The following ANOS1 variants were observed in gnomAD, a reference collection of about 807,000 sequenced individuals.
ANOS1 encodes the protein anosmin-1.
Under a neutral mutation model 59.0 loss-of-function variants are expected in ANOS1, and 6 were observed. The observed-to-expected ratio is 0.10, with a 90% confidence interval of 0.06 to 0.20. The LOEUF (loss-of-function observed/expected upper bound fraction) is 0.20. Among genes scored for constraint, ANOS1 ranks in the 10% least tolerant of loss-of-function variants. The pLI, the probability that ANOS1 is intolerant of heterozygous loss-of-function variation, is 1.00. For synonymous variants in ANOS1, 217 were observed against 223.4 expected, an observed-to-expected ratio of 0.97 and a Z score of 0.25; for missense variants, 433 against 542.3, an observed-to-expected ratio of 0.80 and a Z score of 2.00.
At chrX:8,566,779 G>C (rs1930121671) in intron 8 of ANOS1, among the ~76,000 whole-genome samples, 1 of 111,120 alleles carries the variant, frequency 9.0e-6, no homozygotes, top group Non-Finnish European at 1.9e-5. Context: ...TCTGTTTCTG[G>C]ACCATTTTTT....
chrX:8,709,260 G>T (rs1932797213), intron 1 of ANOS1, among the ~76,000 whole-genome samples: 1 of 105,483 alleles, frequency 9.5e-6, no homozygotes, highest in African/African-American at 3.5e-5. Flanking sequence ...AGAACTTAAA[G>T]TGTAATTAAA....
chrX:8,701,022 A>C lies in ANOS1; in HGVS notation c.208-1277T>G, dbSNP rs12844143. Among the ~76,000 whole-genome samples the C allele has an allele frequency of 8.9e-5, 10 of 111,915 alleles. No homozygotes were observed. The Admixed American group carries it at 9.5e-4, about 11-fold the overall frequency. On this transcript the variant is annotated intron_variant, in intron 1 of 13. Transcript: ENST00000262648. Reference sequence around the variant, plus strand: ...AAAACTCCATCTCAAAAAAATAAATAAATAAATAAAATTGTACTATGATTT... The same window carrying C: ...AAAACTCCATCTCAAAAAAATAAATCAATAAATAAAATTGTACTATGATTT...
chrX:8,638,411 A>T (rs1042197482), intron 2 of ANOS1, among the ~76,000 whole-genome samples: 6 of 112,339 alleles, frequency 5.3e-5, no homozygotes, highest in African/African-American at 1.9e-4. Context: ...ATTGATTCAC[A>T]TCTATGCATT....
chrX:8,633,844 G>A (rs1267950659), intron 2 of ANOS1, among the ~76,000 whole-genome samples: 1 of 111,737 alleles, frequency 8.9e-6, no homozygotes, highest in East Asian at 2.8e-4. Context: ...AAATATCAAT[G>A]TCCTGAAAGA....
chrX:8,552,371 G>A (rs150238607), intron 9 of ANOS1, among the ~76,000 whole-genome samples: 22 of 112,236 alleles, frequency 2.0e-4, no homozygotes, highest in African/African-American at 5.2e-4. Context: ...ACATGTGTTC[G>A]TGGGGCATTC....
intron 6 of ANOS1, among the ~76,000 whole-genome samples, chrX:8,582,912 C>A (rs1462415683): frequency 9.0e-6 from 1 of 111,722 alleles, no homozygotes; most frequent in Non-Finnish European, 1.9e-5. Flanking sequence ...TGAGGATTTG[C>A]GGTGGCTTGC....
intron 5 of ANOS1, 108 bp from the exon 6 acceptor site, chrX:8,585,504 T>A: frequency 1.1e-6 from 1 of 905,933 alleles, no homozygotes; most frequent in Non-Finnish European, 1.6e-6. Context: ...TGCAACTCAG[T>A]CTGTCTTCCC....
At chrX:8,591,566 C>G (rs1930619505) in intron 4 of ANOS1, among the ~76,000 whole-genome samples, 1 of 112,129 alleles carries the variant, frequency 8.9e-6, no homozygotes, top group African/African-American at 3.2e-5. Flanking sequence ...TAATGAGCAT[C>G]AGGGCGATGT....
intron 3 of ANOS1, among the ~76,000 whole-genome samples, chrX:8,599,473 G>A (rs1930802457): frequency 9.0e-6 from 1 of 111,282 alleles, no homozygotes; most frequent in Non-Finnish European, 1.9e-5. Context: ...GACGATACCT[G>A]GGAACACTCG....
intron 9 of ANOS1, among the ~76,000 whole-genome samples, chrX:8,540,036 A>G (rs1237906040): frequency 9.2e-6 from 1 of 109,247 alleles, no homozygotes; most frequent in African/African-American, 3.3e-5. Context: ...AGTAGAAAAA[A>G]AAATTAGTAA....
intron 3 of ANOS1, among the ~76,000 whole-genome samples, chrX:8,604,132 C>T (rs1166046760): frequency 8.9e-6 from 1 of 111,825 alleles, no homozygotes; most frequent in Non-Finnish European, 1.9e-5. Context: ...TCACAAAACA[C>T]GTAAGAGTCT....
At chrX:8,577,532 C>T (rs918222176) in intron 6 of ANOS1, among the ~76,000 whole-genome samples, 6 of 112,491 alleles carry the variant, frequency 5.3e-5, no homozygotes, top group Non-Finnish European at 7.5e-5. Context: ...GCTCCTTCTA[C>T]GCTATACAAT....
At chrX:8,681,938 G>T (rs756343316) in intron 2 of ANOS1, among the ~76,000 whole-genome samples, 41 of 111,494 alleles carry the variant, frequency 3.7e-4, no homozygotes, top group Non-Finnish European at 6.4e-4. Flanking sequence ...CCTAATGTAA[G>T]ATAAGGAAGT....
rs1448386333 is a variant in ANOS1, at chrX:8,732,015, C to T, written c.22G>A (p.Ala8Thr). The change falls in exon 1 of 14, where the codon GCG becomes ACG. Residue 8 changes from alanine to threonine, a missense_variant. By Grantham distance (58) the Ala-to-Thr change is moderately conservative (BLOSUM62 0). Coordinates refer to ENST00000262648, the MANE Select transcript of ANOS1 (RefSeq NM_000216.4). ...AGCCAGAGGCAGAGGGTCAGGACCG[C>T]GCCGGGCACCCCGGGCACCATGGCT... MVPGVPGAVLTLCLWLAA... is the reference protein window; with the variant it reads MVPGVPGTVLTLCLWLAA... 2.0e-6 allele frequency: 2 copies of T among 1,021,726 alleles called. No individual in the cohort carries two copies. Among genetic ancestry groups the T allele is most frequent in the African/African-American group, 4.0e-5 (2 of 49,718 alleles). 84.2% of individuals were successfully genotyped at this position (1,021,726 alleles called of 1,213,427 possible). A position where few individuals can be genotyped will look rare whatever the true frequency, so the allele number is the denominator to read the frequency against.
chrX:8,647,660 A>G (rs1307653533), intron 2 of ANOS1, among the ~76,000 whole-genome samples: 1 of 112,187 alleles, frequency 8.9e-6, no homozygotes, highest in Non-Finnish European at 1.9e-5. Context: ...GTGAACTCTT[A>G]GCTTTTGAGT....
At chrX:8,687,597 C>G (rs773798040) in intron 2 of ANOS1, among the ~76,000 whole-genome samples, 60 of 104,246 alleles carry the variant, frequency 5.8e-4, no homozygotes, top group Non-Finnish European at 6.0e-4. Context: ...CCAGTAAACA[C>G]ACACACACAC....
intron 4 of ANOS1, among the ~76,000 whole-genome samples, chrX:8,596,705 G>A (rs758313309): frequency 1.5e-4 from 17 of 111,583 alleles, no homozygotes; most frequent in African/African-American, 3.9e-4. Context: ...GATTTAAATC[G>A]ATTTATTCCA....
At position 8,594,672 on chromosome X, in the gene ANOS1, A is replaced by ATG. The variant is rs1930688134; in HGVS notation, c.541+2361_541+2362insCA. On this transcript the variant is annotated intron_variant, in intron 4 of 13. Transcript: ENST00000262648. ...TATATATATGTGTATATATATATAT[A>ATG]TATATATATATATATATATATATAT... 1.6e-3 allele frequency among the ~76,000 whole-genome samples: 88 copies of ATG among 55,167 alleles called. 4 individuals are homozygous for ATG. The highest frequency in any genetic ancestry group is 6.9e-3 in the African/African-American group (86 of 12,448). 47.9% of individuals were successfully genotyped at this position (55,167 alleles called of 115,157 possible).
At chrX:8,544,271 G>GT (rs1280127095) in intron 9 of ANOS1, among the ~76,000 whole-genome samples, 1 of 101,197 alleles carries the variant, frequency 9.9e-6, no homozygotes, top group Non-Finnish European at 2.0e-5. Flanking sequence ...AAAAAGAATT[G>GT]TAAGTCACAG....
Sources: gnomAD v4.1 joint callset for allele counts (sites outside exome capture counted in the v4.1 genomes callset) on GRCh38, gnomAD v4.1.1 for gene constraint, MANE v1.5 for transcripts, NCBI Gene and HGNC (gene_info 2026-07-23, HGNC 2026-07-21) for gene names.